Variants in ROBO1 observed in about 807,000 individuals in gnomAD.
ROBO1 encodes the protein roundabout guidance receptor 1.
A neutral mutation model predicts 195.9 loss-of-function variants in ROBO1; 149 were observed. That is an observed-to-expected ratio of 0.76 (90% CI 0.67 to 0.87). ROBO1 has a LOEUF of 0.87. Ranked by LOEUF, ROBO1 falls within the 40% of genes least tolerant of loss-of-function variation. The pLI, the probability that ROBO1 is intolerant of heterozygous loss-of-function variation, is 0.00. For missense variants in ROBO1, 1,933 were observed against 2,068.3 expected (o/e 0.93, Z 1.27); for synonymous variants, 816 against 733.2 (o/e 1.11, Z -1.82).
At chr3:79,018,704 G>T in intron 3 of ROBO1, 1 of 1,335,448 alleles carries the variant, frequency 7.5e-7, no homozygotes, top group Non-Finnish European at 9.6e-7. Context: ...TTCCGAGGAG[G>T]CTCAGACACT....
intron 6 of ROBO1, 30 bp downstream of exon 6, chr3:78,717,733 A>G (rs750291593): frequency 6.2e-7 from 1 of 1,604,434 alleles, no homozygotes; most frequent in Non-Finnish European, 8.5e-7. Flanking sequence ...TCTATTTTTC[A>G]ATGAGAAGAT....
At chr3:79,289,262 A>G (rs967608284) in intron 2 of ROBO1, among the ~76,000 whole-genome samples, 5 of 152,196 alleles carry the variant, frequency 3.3e-5, no homozygotes, top group Non-Finnish European at 5.9e-5. Flanking sequence ...TATATCCTCA[A>G]GCAGATAAAC....
intron 1 of ROBO1, among the ~76,000 whole-genome samples, chr3:79,728,656 C>T (rs776962242): frequency 8.5e-5 from 13 of 152,050 alleles, no homozygotes; most frequent in Non-Finnish European, 1.8e-4. Flanking sequence ...ACTATGTACA[C>T]AAAATTTCCA....
intron 4 of ROBO1, among the ~76,000 whole-genome samples, chr3:78,930,905 T>C (rs2039485810): frequency 6.6e-6 from 1 of 152,216 alleles, no homozygotes; most frequent in South Asian, 2.1e-4. Flanking sequence ...CCATTGCATA[T>C]TGCCCAGTAA....
At chr3:78,986,235 TCAC>T (rs1267870830) in intron 3 of ROBO1, among the ~76,000 whole-genome samples, 1 of 152,102 alleles carries the variant, frequency 6.6e-6, no homozygotes, top group Non-Finnish European at 1.5e-5. Context: ...AGCCACCACC[TCAC>T]CATTTGGTGC....
At chr3:79,533,268 T>C (rs1941730779) in intron 2 of ROBO1, among the ~76,000 whole-genome samples, 2 of 152,164 alleles carry the variant, frequency 1.3e-5, no homozygotes, top group South Asian at 4.1e-4. Flanking sequence ...CATTGCATCA[T>C]TAAGTAGTAC....
At chr3:78,608,208 A>G (rs1703579399) in intron 28 of ROBO1, among the ~76,000 whole-genome samples, 1 of 152,054 alleles carries the variant, frequency 6.6e-6, no homozygotes, top group Non-Finnish European at 1.5e-5. Context: ...TCTGTCTCCC[A>G]TCAAGTGATC....
intron 2 of ROBO1, among the ~76,000 whole-genome samples, chr3:79,182,723 G>A (rs1474751105): frequency 2.0e-5 from 3 of 152,122 alleles, no homozygotes; most frequent in African/African-American, 7.2e-5. Context: ...GGTCCTAAAA[G>A]AGAAAAAGTT....
chr3:79,634,341 T>G (rs1330925890), intron 1 of ROBO1, among the ~76,000 whole-genome samples: 2 of 152,230 alleles, frequency 1.3e-5, no homozygotes, highest in East Asian at 3.9e-4. Context: ...ACCATGCAGC[T>G]TCCAGGATTT....
At chr3:79,606,032 CCA>C (rs1491572960) in intron 1 of ROBO1, among the ~76,000 whole-genome samples, 1 of 124,894 alleles carries the variant, frequency 8.0e-6, no homozygotes, top group Non-Finnish European at 1.6e-5. Flanking sequence ...ATACATGTAC[CCA>C]CATATATATA....
intron 2 of ROBO1, among the ~76,000 whole-genome samples, chr3:79,208,056 T>C (rs1175314847): frequency 5.9e-5 from 9 of 152,208 alleles, no homozygotes; most frequent in African/African-American, 2.2e-4. Context: ...AAATTGATGA[T>C]AACAAATCTA....
intron 4 of ROBO1, among the ~76,000 whole-genome samples, chr3:78,873,273 A>ATC (rs1559948465): frequency 6.6e-6 from 1 of 152,068 alleles, no homozygotes; most frequent in East Asian, 1.9e-4. Flanking sequence ...CGTCAGTCAA[A>ATC]AGGGGATGCA....
chr3:78,756,947 C>A (rs765304600), intron 4 of ROBO1, among the ~76,000 whole-genome samples: 2 of 152,080 alleles, frequency 1.3e-5, no homozygotes, highest in Non-Finnish European at 2.9e-5. Flanking sequence ...TGCAGCAGCA[C>A]AATCCACAAT....
chr3:78,871,176 G>A (rs548584039), intron 4 of ROBO1, among the ~76,000 whole-genome samples: 9 of 152,256 alleles, frequency 5.9e-5, no homozygotes, highest in Middle Eastern at 3.4e-3. Context: ...AGACACTGAT[G>A]CCCATGCGAG....
chr3:79,270,265 T>C (rs1482298056), intron 2 of ROBO1, among the ~76,000 whole-genome samples: 1 of 151,080 alleles, frequency 6.6e-6, no homozygotes, highest in East Asian at 2.0e-4. Flanking sequence ...ATTTGAAAGT[T>C]AAGAAAGAGG....
intron 2 of ROBO1, among the ~76,000 whole-genome samples, chr3:79,126,590 G>A (rs1285077726): frequency 6.6e-6 from 1 of 152,140 alleles, no homozygotes; most frequent in Non-Finnish European, 1.5e-5. Flanking sequence ...CTCCTAAATC[G>A]AATAATGTAG....
chr3:79,141,684 G>A (rs1430512639), intron 2 of ROBO1, among the ~76,000 whole-genome samples: 6 of 151,368 alleles, frequency 4.0e-5, no homozygotes, highest in Admixed American at 1.3e-4. Context: ...GTTTCACTGC[G>A]CAAATTCACA....
intron 2 of ROBO1, among the ~76,000 whole-genome samples, chr3:79,202,752 G>A (rs543585034): frequency 3.2e-4 from 48 of 152,098 alleles, no homozygotes; most frequent in African/African-American, 1.1e-3. Flanking sequence ...CAACAAATTG[G>A]AATATGCAGA....
chr3:78,959,502 A>C (rs9861490), intron 3 of ROBO1, among the ~76,000 whole-genome samples: 24,669 of 152,086 alleles, frequency 0.16, 3,166 homozygotes, highest in African/African-American at 0.37. Flanking sequence ...TAAAACAATG[A>C]ATGGAAGTAA....
Sources: allele counts gnomAD v4.1 joint callset (sites outside exome capture counted in the v4.1 genomes callset), GRCh38; gene constraint gnomAD v4.1.1; transcripts MANE v1.5; gene names NCBI Gene and HGNC (gene_info 2026-07-23, HGNC 2026-07-21).